Variants in FAM222A observed in about 807,000 individuals in gnomAD.
FAM222A encodes the protein family with sequence similarity 222 member A, also known as protein FAM222A.
Under a neutral mutation model 25.8 loss-of-function variants are expected in FAM222A, and 7 were observed. The observed-to-expected ratio is 0.27, with a 90% CI of 0.15 to 0.51. The LOEUF is 0.51. Ranked by LOEUF, FAM222A falls within the 20% of genes least tolerant of loss-of-function variation. The pLI is 0.97. For missense variants in FAM222A, 573 were observed against 640.5 expected (o/e 0.89, Z 1.14); for synonymous variants, 294 against 298.8 (o/e 0.98, Z 0.17).
chr12:109,737,667 C>G (rs1022368400), intron 1 of FAM222A, among the ~76,000 whole-genome samples: 1 of 152,070 alleles, frequency 6.6e-6, no homozygotes, highest in African/African-American at 2.4e-5. Context: ...TTCACAGGCC[C>G]CTTATCCACA....
At chr12:109,754,070 TAGGA>T (rs1888641957) in intron 2 of FAM222A, among the ~76,000 whole-genome samples, 1 of 152,046 alleles carries the variant, frequency 6.6e-6, no homozygotes, top group South Asian at 2.1e-4. Context: ...CCAAGCCAAC[TAGGA>T]AGGAAGTCAG....
rs1040517639 is a variant in FAM222A, at chr12:109,769,374, C to T, written c.*86C>T. On this transcript the variant is annotated 3_prime_UTR_variant, in exon 3 of 3. Transcript: ENST00000538780. ...GAACAGGGTGGGCGGCTCGCAGGGG[C>T]GCTCAGCCCCACCCTGTGCCTGCTG... 25 of 1,440,206 alleles carry T rather than the reference C, an allele frequency of 1.7e-5. No homozygotes were observed. Among genetic ancestry groups the T allele is most frequent in the African/African-American group, 7.1e-5 (5 of 70,856 alleles). 89.2% of individuals were successfully genotyped at this position (1,440,206 alleles called of 1,614,324 possible).
intron 1 of FAM222A, among the ~76,000 whole-genome samples, chr12:109,727,489 G>A (rs181736554): frequency 6.1e-4 from 93 of 152,230 alleles, no homozygotes; most frequent in African/African-American, 2.1e-3. Context: ...GGGGTCCTTG[G>A]CTGCTAGAGG....
At chr12:109,731,432 A>G (rs1299143808) in intron 1 of FAM222A, among the ~76,000 whole-genome samples, 2 of 152,174 alleles carry the variant, frequency 1.3e-5, no homozygotes, top group Non-Finnish European at 2.9e-5. Context: ...AGATCCCACC[A>G]GGAGCAAATC....
chr12:109,729,549 A>G (rs1019393275), intron 1 of FAM222A, among the ~76,000 whole-genome samples: 3 of 152,268 alleles, frequency 2.0e-5, no homozygotes, highest in South Asian at 4.1e-4. Flanking sequence ...CAAGACTTCA[A>G]ACTCACCCAA....
At chr12:109,764,864 G>C (rs1236530151) in intron 2 of FAM222A, among the ~76,000 whole-genome samples, 1 of 152,204 alleles carries the variant, frequency 6.6e-6, no homozygotes, top group African/African-American at 2.4e-5. Context: ...CAATCTCGGA[G>C]AAAGATTCCC....
At chr12:109,717,907 C>T (rs2136314292) in intron 1 of FAM222A, among the ~76,000 whole-genome samples, 1 of 152,300 alleles carries the variant, frequency 6.6e-6, no homozygotes, top group East Asian at 1.9e-4. Context: ...TGATGAGAAA[C>T]TTGAGGCGCC....
chr12:109,744,059 A>G, intron 1 of FAM222A, 42 bp from the exon 2 acceptor site: 9 of 1,526,986 alleles, frequency 5.9e-6, no homozygotes, highest in Non-Finnish European at 7.9e-6. Context: ...GCGAACACGG[A>G]GCAGCCCCCA....
In FAM222A at chr12:109,714,201, T is replaced by TGCCGCCGCCGCCGCC. The variant is rs1338732064; in HGVS notation, c.-740_-726dup. 1 of 204,622 alleles carries TGCCGCCGCCGCCGCC rather than the reference T, an allele frequency of 4.9e-6. No homozygotes were observed. Among genetic ancestry groups the TGCCGCCGCCGCCGCC allele is most frequent in the African/African-American group, 2.5e-5 (1 of 40,310 alleles). The allele number at this position is 204,622 out of a possible 1,614,324, so 12.7% of individuals were successfully genotyped here. A position where few individuals can be genotyped will look rare whatever the true frequency, so the allele number is the denominator to read the frequency against. On this transcript the variant is annotated 5_prime_UTR_variant, in exon 1 of 3. Transcript: ENST00000538780. This position sits in a 1 kb window ranked among gnomAD's most constrained non-coding sequence, Gnocchi z 4.2. Reference sequence around the variant, plus strand: ...CTGCATCCGAGCTTGCGTCGCCCGCTGCCGCCGCCGCCGCCGCTGCCGCCG... The same window carrying TGCCGCCGCCGCCGCC: ...CTGCATCCGAGCTTGCGTCGCCCGCTGCCGCCGCCGCCGCCGCCGCCGCCGCCGCCGCTGCCGCCG...
intron 1 of FAM222A, among the ~76,000 whole-genome samples, chr12:109,739,469 G>C (rs75940818): frequency 0.027 from 4,120 of 152,302 alleles, 178 homozygotes; most frequent in African/African-American, 0.094. Flanking sequence ...GAATGAATGG[G>C]TGGGTAAGAA....
intron 1 of FAM222A, among the ~76,000 whole-genome samples, chr12:109,723,226 G>A (rs1887782111): frequency 6.6e-6 from 1 of 152,150 alleles, no homozygotes; most frequent in Non-Finnish European, 1.5e-5. Context: ...GTTCCCAAAT[G>A]TGGGCAGCAG....
At chr12:109,758,138 G>T (rs1888787775) in intron 2 of FAM222A, among the ~76,000 whole-genome samples, 1 of 152,218 alleles carries the variant, frequency 6.6e-6, no homozygotes, top group African/African-American at 2.4e-5. Context: ...CGGAGCACCT[G>T]ACTGTCTTTG....
intron 1 of FAM222A, among the ~76,000 whole-genome samples, chr12:109,727,446 T>G (rs947504333): frequency 1.3e-5 from 2 of 152,226 alleles, no homozygotes. Flanking sequence ...TGCCTCCTTC[T>G]CTGACTATTT....
At position 109,714,216 on chromosome 12, in the gene FAM222A, C is replaced by T. The variant is rs1216306820; in HGVS notation, c.-728C>T. 1.1e-4 allele frequency: 20 copies of T among 183,494 alleles called. No homozygotes were observed. Among genetic ancestry groups the T allele is most frequent in the South Asian group, 3.1e-4 (5 of 16,224 alleles). 11.4% of individuals were successfully genotyped at this position (183,494 alleles called of 1,614,324 possible). A position where few individuals can be genotyped will look rare whatever the true frequency, so the allele number is the denominator to read the frequency against. The stretch of plus-strand genomic sequence containing the variant: ...CGTCGCCCGCTGCCGCCGCCGCCGC[C>T]GCTGCCGCCGCCGCTGTTCGCCGGC... On this transcript the variant is annotated 5_prime_UTR_variant, in exon 1 of 3. Coordinates refer to ENST00000538780, the MANE Select transcript of FAM222A (RefSeq NM_032829.3). The surrounding 1 kb of genome is among the most constrained non-coding windows in gnomAD (Gnocchi z 4.2).
At chr12:109,760,862 G>A (rs1888871235) in intron 2 of FAM222A, among the ~76,000 whole-genome samples, 1 of 152,204 alleles carries the variant, frequency 6.6e-6, no homozygotes, top group African/African-American at 2.4e-5. Context: ...ACCTGGGCCA[G>A]GTGGCCAGGG....
rs1230810648 is a variant in FAM222A at position 109,714,699 on chromosome 12, C to T, written c.-245C>T. ...GACCCCTGCTGAACGGAGACCTCCC[C>T]TCCCCCCCGACTTCGGACGGCGCAG... On this transcript the variant is annotated 5_prime_UTR_variant, in exon 1 of 3. Coordinates refer to ENST00000538780, the MANE Select transcript of FAM222A (RefSeq NM_032829.3). This position sits in a 1 kb window ranked among gnomAD's most constrained non-coding sequence, Gnocchi z 4.2. The T allele has an allele frequency of 2.0e-5, 3 of 152,242 alleles. No individual in the cohort carries two copies. Among genetic ancestry groups the T allele is most frequent in the Admixed American group, 2.0e-4 (3 of 15,292 alleles). 9.4% of individuals were successfully genotyped at this position (152,242 alleles called of 1,614,324 possible).
chr12:109,716,598 G>A (rs1173808823), intron 1 of FAM222A, among the ~76,000 whole-genome samples: 1 of 152,200 alleles, frequency 6.6e-6, no homozygotes, highest in Non-Finnish European at 1.5e-5. Context: ...GGGGAGAGCC[G>A]GGAGAGGTGG....
chr12:109,756,599 C>T (rs1165007984), intron 2 of FAM222A, among the ~76,000 whole-genome samples: 1 of 152,122 alleles, frequency 6.6e-6, no homozygotes, highest in Non-Finnish European at 1.5e-5. Flanking sequence ...TGCTCTGTGT[C>T]TATTGGGATG....
chr12:109,746,382 A>G (rs1163617604), intron 2 of FAM222A, among the ~76,000 whole-genome samples: 1 of 152,108 alleles, frequency 6.6e-6, no homozygotes, highest in Non-Finnish European at 1.5e-5. Flanking sequence ...CCAGCTGCTC[A>G]GGAGGCTAAG....
Sources: gnomAD v4.1 joint callset for allele counts (sites outside exome capture counted in the v4.1 genomes callset) on GRCh38, gnomAD v4.1.1 for gene constraint, Gnocchi (gnomAD v3.1) non-coding constraint, MANE v1.5 for transcripts, NCBI Gene and HGNC (gene_info 2026-07-23, HGNC 2026-07-21) for gene names.